CHRNA7: variants seen among roughly 807,000 people sequenced by gnomAD.
The protein encoded by CHRNA7 is neuronal acetylcholine receptor subunit alpha-7.
CHRNA7 carries 17 observed loss-of-function variants against 48.0 expected under a neutral mutation model. The ratio of observed to expected loss-of-function variants is 0.35; its 90% CI spans 0.24 to 0.53. The LOEUF is 0.53. CHRNA7 is among the 20% of genes least tolerant of loss of function. CHRNA7 has a pLI of 0.92. For synonymous variants in CHRNA7, 75 were observed against 242.3 expected (o/e 0.31, Z 6.41); for missense variants, 155 against 577.7 (o/e 0.27, Z 7.50).
rs531756914 is a variant in CHRNA7 at position 32,097,123 on chromosome 15, G to C, written c.196-4180G>C. On this transcript the variant is annotated intron_variant, in intron 2 of 9. Coordinates refer to ENST00000306901, the MANE Select transcript of CHRNA7 (RefSeq NM_000746.6). ...AGACAGGGCAGCTGTTTGCATCCCT[G>C]TTTCGGAGGAGAGAACATTGAAATG... Among the ~76,000 whole-genome samples, 4 of 152,312 alleles carry C rather than the reference G, an allele frequency of 2.6e-5. No homozygotes were observed. The South Asian group carries it at 6.2e-4, about 24-fold the overall frequency.
chr15:32,037,843 T>C (rs1221229569), intron 2 of CHRNA7, among the ~76,000 whole-genome samples: 9 of 151,942 alleles, frequency 5.9e-5, no homozygotes, highest in African/African-American at 1.7e-4. Context: ...TGAACGATCA[T>C]GTCATCTGCG....
rs556207465 is a variant in CHRNA7 at position 32,071,620 on chromosome 15, C to G, written c.196-29683C>G. 6.2e-4 allele frequency among the ~76,000 whole-genome samples: 95 copies of G among 152,224 alleles called. No individual in the cohort carries two copies. The South Asian group carries it at 0.019, about 30-fold the overall frequency. On this transcript the variant is annotated intron_variant, in intron 2 of 9. Coordinates refer to ENST00000306901, the MANE Select transcript of CHRNA7 (RefSeq NM_000746.6). Reference sequence around the variant, plus strand: ...TCCCTCATGAATGGCTTGCTACCCTCCCCAGTATAATGAGTTTATACAAGA... The same window carrying G: ...TCCCTCATGAATGGCTTGCTACCCTGCCCAGTATAATGAGTTTATACAAGA...
chr15:32,062,566 T>A (rs1455054884), intron 2 of CHRNA7, among the ~76,000 whole-genome samples: 1 of 152,162 alleles, frequency 6.6e-6, no homozygotes, highest in Non-Finnish European at 1.5e-5. Flanking sequence ...AAGCATTTTA[T>A]CCTCCTGCTT....
chr15:32,058,739 G>A (rs556646387), intron 2 of CHRNA7, among the ~76,000 whole-genome samples: 1 of 152,086 alleles, frequency 6.6e-6, no homozygotes, highest in Non-Finnish European at 1.5e-5. Flanking sequence ...AGGGCTGTGG[G>A]GGCAGAACTA....
At chr15:32,076,037 A>G (rs1286233859) in intron 2 of CHRNA7, among the ~76,000 whole-genome samples, 4 of 152,104 alleles carry the variant, frequency 2.6e-5, no homozygotes, top group African/African-American at 9.7e-5. Context: ...TCCAAATTAT[A>G]CTTTGTGTTA....
At chr15:32,054,583 C>T (rs1366633423) in intron 2 of CHRNA7, among the ~76,000 whole-genome samples, 4 of 152,212 alleles carry the variant, frequency 2.6e-5, no homozygotes. Context: ...TCCTCCAGAG[C>T]TAAACTGTTT....
Position 32,070,669 on chromosome 15 carries a change from C to CTTTTTTTTTTTTT in CHRNA7, c.196-30611_196-30599dup, listed in dbSNP as rs71113441. Among the ~76,000 whole-genome samples the CTTTTTTTTTTTTT allele has an allele frequency of 2.9e-4, 12 of 40,892 alleles. 4 individuals carry two copies. The highest frequency in any genetic ancestry group is 1.1e-3 in the African/African-American group (12 of 10,770). The allele number at this position is 40,892 out of a possible 152,430, so 26.8% of individuals were successfully genotyped here. On this transcript the variant is annotated intron_variant, in intron 2 of 9. Coordinates refer to ENST00000306901, the MANE Select transcript of CHRNA7 (RefSeq NM_000746.6). ...TGTGTGAACATGTGAGGTTTAGTTC[C>CTTTTTTTTTTTTT]TTTTTTTTTTTTTTTTTTTTTTTTT... is the stretch of plus-strand genomic sequence containing the variant.
chr15:32,099,264 A>T (rs902048444), intron 2 of CHRNA7: 3 of 152,350 alleles, frequency 2.0e-5, no homozygotes, highest in African/African-American at 7.2e-5. Context: ...ACAGAGAGCC[A>T]AGAGACTCAG....
intron 4 of CHRNA7, among the ~76,000 whole-genome samples, chr15:32,147,041 C>A (rs967586412): frequency 1.3e-5 from 2 of 152,200 alleles, no homozygotes; most frequent in Admixed American, 6.5e-5. Flanking sequence ...AGTCCAGAAA[C>A]TGGATATCTG....
intron 2 of CHRNA7, among the ~76,000 whole-genome samples, chr15:32,080,870 A>G (rs926291928): frequency 2.0e-5 from 3 of 152,216 alleles, no homozygotes; most frequent in Non-Finnish European, 4.4e-5. Flanking sequence ...ACTATTCACA[A>G]TAGCAAAGAC....
At chr15:32,054,405 G>A (rs1159396245) in intron 2 of CHRNA7, among the ~76,000 whole-genome samples, 1 of 152,096 alleles carries the variant, frequency 6.6e-6, no homozygotes, top group Non-Finnish European at 1.5e-5. Flanking sequence ...AAGGTCTCTC[G>A]TAGAGAGACA....
intron 2 of CHRNA7, among the ~76,000 whole-genome samples, chr15:32,064,221 CCTT>C (rs932495962): frequency 5.3e-5 from 8 of 152,038 alleles, no homozygotes; most frequent in Non-Finnish European, 1.0e-4. Context: ...TCGTCTTCCT[CCTT>C]CTTCTTCTTT....
intron 4 of CHRNA7, among the ~76,000 whole-genome samples, chr15:32,118,016 G>A (rs2050902851): frequency 6.6e-6 from 1 of 152,220 alleles, no homozygotes; most frequent in Non-Finnish European, 1.5e-5. Context: ...AGTATTGAGA[G>A]GTGGGACCTT....
Position 32,158,406 on chromosome 15 carries a change from A to T in CHRNA7, c.599-6A>T. On this transcript the variant is annotated splice_region_variant and splice_polypyrimidine_tract_variant and intron_variant, in intron 6 of 9. Coordinates refer to ENST00000306901, the MANE Select transcript of CHRNA7 (RefSeq NM_000746.6). ...AATGGCTCCTTCTCTCCTCCTCCCT[A>T]TGGAGGAATCCCCGGCAAGAGGAGT... The T allele has an allele frequency of 6.2e-7, 1 of 1,612,248 alleles. No homozygotes were observed. The highest frequency in any genetic ancestry group is 1.1e-5 in the South Asian group (1 of 90,840).
intron 4 of CHRNA7, among the ~76,000 whole-genome samples, chr15:32,151,535 ACT>A (rs1033150221): frequency 6.7e-6 from 1 of 148,928 alleles, no homozygotes; most frequent in Non-Finnish European, 1.5e-5. Context: ...TTTCCCTCCC[ACT>A]CTCCCTGATG....
intron 2 of CHRNA7, among the ~76,000 whole-genome samples, chr15:32,095,274 A>G (rs190124047): frequency 1.9e-3 from 282 of 152,314 alleles, no homozygotes; most frequent in African/African-American, 6.5e-3. Context: ...GCTCCCCATC[A>G]GCAGCTCTCA....
chr15:32,044,253 C>CTCCTCCCTTCCTTCCTTCCTTCCT (rs2049498990), intron 2 of CHRNA7, among the ~76,000 whole-genome samples: 1 of 140,918 alleles, frequency 7.1e-6, no homozygotes, highest in Non-Finnish European at 1.5e-5. Flanking sequence ...CGATCTTTTC[C>CTCCTCCCTTCCTTCCTTCCTTCCT]TCCTTCCTTC....
chr15:32,164,945 G>T (rs1426666424), intron 9 of CHRNA7, among the ~76,000 whole-genome samples: 27 of 96,836 alleles, frequency 2.8e-4, no homozygotes, highest in Admixed American at 2.4e-4. Context: ...AAAAAAAAAA[G>T]ACTGACTTGT....
In CHRNA7 at chr15:32,170,299, CAA is replaced by C. The variant is rs921437577; in HGVS notation, c.*1842_*1843del. 1 of 122,364 alleles carries C rather than the reference CAA, an allele frequency of 8.2e-6. No individual in the cohort carries two copies. Among genetic ancestry groups the C allele is most frequent in the African/African-American group, 3.2e-5 (1 of 31,566 alleles). 7.6% of individuals were successfully genotyped at this position (122,364 alleles called of 1,614,324 possible). ...TAAGTGTGAGGTACCTTGTGTGTGACAAGAGACCTCACTTACGAGAAAGTTGG... is the reference window on the plus strand; with the variant it reads ...TAAGTGTGAGGTACCTTGTGTGTGACGAGACCTCACTTACGAGAAAGTTGG... On this transcript the variant is annotated 3_prime_UTR_variant, in exon 10 of 10. Coordinates refer to ENST00000306901, the MANE Select transcript of CHRNA7 (RefSeq NM_000746.6).
Sources: gnomAD v4.1 joint callset for allele counts (sites outside exome capture counted in the v4.1 genomes callset) on GRCh38, gnomAD v4.1.1 for gene constraint, MANE v1.5 for transcripts, NCBI Gene and HGNC (gene_info 2026-07-23, HGNC 2026-07-21) for gene names.